Variants in BRD1 observed in about 807,000 individuals in gnomAD.
BRD1 encodes bromodomain containing 1.
A neutral mutation model predicts 107.7 loss-of-function variants in BRD1; 24 were observed. That is an observed-to-expected ratio of 0.22 (90% CI 0.16 to 0.31). The LOEUF (loss-of-function observed/expected upper bound fraction) is 0.31. Among genes scored for constraint, BRD1 ranks in the 10% least tolerant of loss-of-function variants. BRD1 has a pLI of 1.00. For synonymous variants in BRD1, 744 were observed against 686.1 expected, an observed-to-expected ratio of 1.08 and a Z score of -1.32; for missense variants, 1,279 against 1,638.6, an observed-to-expected ratio of 0.78 and a Z score of 3.79.
At position 49,804,291 on chromosome 22, in the gene BRD1, G is replaced by A. The variant is rs1208303491; in HGVS notation, c.1437C>T (p.Tyr479=). ...TCCTGGACAGCCGCTTGAGCAGCCA[G>A]TAGCTGTGGGCTCGCTCCACAAACT... ...KKQFVERAHS[Y]WLLKRLSRNG... is the part of the protein sequence containing the mutation. The change falls in exon 3 of 13, where the codon TAC becomes TAT. Residue 479 remains tyrosine, a synonymous_variant. Transcript: ENST00000404760. 1 of 1,610,902 alleles carries A rather than the reference G, an allele frequency of 6.2e-7. No individual in the cohort carries two copies. The highest frequency in any genetic ancestry group is 8.5e-7 in the Non-Finnish European group (1 of 1,178,614).
intron 8 of BRD1, among the ~76,000 whole-genome samples, chr22:49,786,321 T>A (rs765305270): frequency 5.9e-5 from 9 of 152,074 alleles, no homozygotes; most frequent in Non-Finnish European, 1.2e-4. Context: ...TGACAGCTGC[T>A]CCTCTTTAAA....
rs576251264 is a variant in BRD1, at chr22:49,826,250, G to A, written c.-15+1247C>T. 53 of 985,446 alleles carry A rather than the reference G, an allele frequency of 5.4e-5. No individual in the cohort carries two copies. In the South Asian group the frequency reaches 1.3e-3, roughly 24 times the overall value. The allele number at this position is 985,446 out of a possible 1,614,324, so 61.0% of individuals were successfully genotyped here. On this transcript the variant is annotated intron_variant, in intron 1 of 12. Transcript: ENST00000404760. ...GAAACCCACTCTCTCCCAGGGAGCC[G>A]TGAAGCTCTTCATCGCAACACTTTC...
Position 49,776,132 on chromosome 22 carries a change from G to A in BRD1, c.3149C>T (p.Ser1050Phe). Reference protein sequence around the residue: ...AEVGQSSMWISTDAAASVLEP... With the variant: ...AEVGQSSMWIFTDAAASVLEP... ...CAGCACCGAGGCGGCGGCATCAGTGGAGATCCACATGCTGCTCTGGCCGAC... is the reference window on the plus strand; with the variant it reads ...CAGCACCGAGGCGGCGGCATCAGTGAAGATCCACATGCTGCTCTGGCCGAC... Residue 1050 changes from serine (S) to phenylalanine (F), a missense_variant, in exon 11 of 13, where the codon TCC becomes TTC. Ser to Phe is a radical substitution (Grantham distance 155). This residue lies in a region of BRD1 where 263 missense variants were observed against 251.6 expected (regional missense o/e 1.05). Coordinates refer to ENST00000404760, the MANE Select transcript of BRD1 (RefSeq NM_001304808.3). 1.2e-6 allele frequency: 2 copies of A among 1,606,168 alleles called. No individual in the cohort carries two copies. Among genetic ancestry groups the A allele is most frequent in the South Asian group, 2.2e-5 (2 of 91,054 alleles).
In BRD1 at chr22:49,804,207, C is replaced by A; in HGVS notation, c.1521G>T (p.Gln507His). 6.3e-7 allele frequency: 1 copy of A among 1,588,796 alleles called. No homozygotes were observed. The highest frequency in any genetic ancestry group is 8.6e-7 in the Non-Finnish European group (1 of 1,166,946). The change falls in exon 3 of 13, where the codon CAG becomes CAT. Residue 507 changes from glutamine (Q) to histidine (H), a missense_variant. This residue lies in a region of BRD1 where 406 missense variants were observed against 519.4 expected (regional missense o/e 0.78). Coordinates refer to ENST00000404760, the MANE Select transcript of BRD1 (RefSeq NM_001304808.3). ...GTGGGGGCCACGAGCCACGTACCTG[C>A]TGTGAGCTTCGCTGAGACTGCAGGC... ...QSSLQSQRSS[Q>H]QRENDEEMKA...
At chr22:49,820,243 A>C (rs2060039713) in intron 2 of BRD1, among the ~76,000 whole-genome samples, 1 of 152,238 alleles carries the variant, frequency 6.6e-6, no homozygotes, top group East Asian at 1.9e-4. Flanking sequence ...TTCTGTCCAC[A>C]GGGAATAAGG....
At chr22:49,782,463 C>T (rs1329644550) in intron 8 of BRD1, among the ~76,000 whole-genome samples, 2 of 133,130 alleles carry the variant, frequency 1.5e-5, no homozygotes, top group African/African-American at 5.8e-5. Flanking sequence ...GTGACAATGC[C>T]GCTGGGGACA....
In BRD1 at chr22:49,774,778, G is replaced by A. The variant is rs142519470; in HGVS notation, c.3387-362C>T. 6.7e-3 allele frequency among the ~76,000 whole-genome samples: 1,017 copies of A among 152,384 alleles called. 6 individuals carry two copies. Among genetic ancestry groups the A allele is most frequent in the Middle Eastern group, 0.017 (5 of 294 alleles). The stretch of plus-strand genomic sequence containing the variant: ...GGGAGACCCCATCAAAGGGGCCCTC[G>A]GATGGACAAGGTGTGGGCCTCGCTC... On this transcript the variant is annotated intron_variant, in intron 12 of 12. Transcript: ENST00000404760.
At chr22:49,816,937 A>G (rs896661436) in intron 2 of BRD1, among the ~76,000 whole-genome samples, 28 of 152,228 alleles carry the variant, frequency 1.8e-4, no homozygotes, top group African/African-American at 6.8e-4. Flanking sequence ...CCTTGTCTAC[A>G]CAGGACTTTG....
chr22:49,813,717 A>C (rs1414138556), intron 2 of BRD1, among the ~76,000 whole-genome samples: 2 of 151,796 alleles, frequency 1.3e-5, no homozygotes, highest in Non-Finnish European at 2.9e-5. Flanking sequence ...CTGTAATGCC[A>C]GTTACTCGGG....
chr22:49,814,158 G>C (rs1016918464), intron 2 of BRD1, among the ~76,000 whole-genome samples: 1 of 152,188 alleles, frequency 6.6e-6, no homozygotes, highest in African/African-American at 2.4e-5. Context: ...TGAAAGAACA[G>C]GGGGCTCTCT....
intron 2 of BRD1, among the ~76,000 whole-genome samples, chr22:49,821,604 CTTCTT>C (rs761731482): frequency 7.6e-6 from 1 of 132,070 alleles, no homozygotes; most frequent in South Asian, 2.3e-4. Context: ...TCACTTAAAA[CTTCTT>C]TTTTTTTTTT....
rs1255748812 is a variant in BRD1 at position 49,777,764 on chromosome 22, G to C, written c.2907C>G (p.Gly969=). 1.2e-6 allele frequency: 2 copies of C among 1,604,892 alleles called. No homozygotes were observed. Among genetic ancestry groups the C allele is most frequent in the Non-Finnish European group, 1.7e-6 (2 of 1,177,606 alleles). The change falls in exon 9 of 13, where the codon GGC becomes GGG. Residue 969 remains glycine (G), a synonymous_variant. Transcript: ENST00000404760. ...GGARSEQEPG[G]GLGRKATPRR... ...GGGGTGTGGCCTTCCTCCCCAGGCCGCCGCCCGGCTCCTGCTCGCTCCTCG... is the reference window on the plus strand; with the variant it reads ...GGGGTGTGGCCTTCCTCCCCAGGCCCCCGCCCGGCTCCTGCTCGCTCCTCG...
At chr22:49,777,295 G>C in intron 9 of BRD1, 134 bp from the exon 10 acceptor site, 1 of 1,389,732 alleles carries the variant, frequency 7.2e-7, no homozygotes, top group Non-Finnish European at 9.8e-7. Context: ...AGACGGGCCT[G>C]TGGGTGCGCA....
Position 49,824,045 on chromosome 22 carries a change from A to C in BRD1, c.273T>G (p.Arg91=), listed in dbSNP as rs764590962. 1 of 1,613,694 alleles carries C rather than the reference A, an allele frequency of 6.2e-7. No homozygotes were observed. Among genetic ancestry groups the C allele is most frequent in the Non-Finnish European group, 8.5e-7 (1 of 1,179,994 alleles). Residue 91 remains arginine, a synonymous_variant, in exon 2 of 13, where the codon CGT becomes CGG. Transcript: ENST00000404760. The surrounding 1 kb of genome is among the most constrained non-coding windows in gnomAD (Gnocchi z 5.9). ...ERPPVCLRTK[R]HKNNRVKKKN... ...TCTTTTTGACTCTGTTGTTTTTGTG[A>C]CGCTTAGTTCTTAAGCAGACAGGAG...
At chr22:49,822,658 T>C (rs1315681598) in intron 2 of BRD1, among the ~76,000 whole-genome samples, 1 of 151,846 alleles carries the variant, frequency 6.6e-6, no homozygotes, top group Non-Finnish European at 1.5e-5. Context: ...TGCAGTGAGC[T>C]GAGATTGCGC....
intron 2 of BRD1, among the ~76,000 whole-genome samples, chr22:49,822,546 TAAAA>T (rs1020816302): frequency 3.3e-5 from 5 of 149,516 alleles, no homozygotes; most frequent in African/African-American, 1.2e-4. Flanking sequence ...CGTCTCTACT[TAAAA>T]AATACAAAAA....
chr22:49,827,663 CCCGGCAGCGGCGGCCGCGGACTCT>C lies in BRD1; in HGVS notation c.-205_-182del, dbSNP rs935601522. ...CCCTCTCGGCCGCGGCGGCTCCGGGCCCGGCAGCGGCGGCCGCGGACTCTCGGGCAGCGGCTCGCGCGGCGCGGG... is the reference window on the plus strand; with the variant it reads ...CCCTCTCGGCCGCGGCGGCTCCGGGCCGGGCAGCGGCTCGCGCGGCGCGGG... On this transcript the variant is annotated 5_prime_UTR_variant, in exon 1 of 13. Coordinates refer to ENST00000404760, the MANE Select transcript of BRD1 (RefSeq NM_001304808.3). Among the ~76,000 whole-genome samples the C allele has an allele frequency of 2.1e-5, 3 of 145,060 alleles. No individual in the cohort carries two copies. The highest frequency in any genetic ancestry group is 7.4e-5 in the African/African-American group (3 of 40,496).
In BRD1 at chr22:49,824,235, C is replaced by T; in HGVS notation, c.83G>A (p.Arg28Gln). The change falls in exon 2 of 13, where the codon CGA becomes CAA. Residue 28 changes from arginine to glutamine, a missense_variant. By Grantham distance (43) the Arg-to-Gln change is conservative. This residue lies in a region of BRD1 where 223 missense variants were observed against 263.5 expected (regional missense o/e 0.85). Coordinates refer to ENST00000404760, the MANE Select transcript of BRD1 (RefSeq NM_001304808.3). The surrounding 1 kb of genome is among the most constrained non-coding windows in gnomAD (Gnocchi z 5.9). ...SPCSVKHSPT[R>Q]ETLTYAQAQR... ...AGCTTGAGCGTAGGTCAGCGTTTCTCGCGTAGGGGAGTGTTTAACACTGCA... is the reference window on the plus strand; with the variant it reads ...AGCTTGAGCGTAGGTCAGCGTTTCTTGCGTAGGGGAGTGTTTAACACTGCA... 6.2e-7 allele frequency: 1 copy of T among 1,613,998 alleles called. No individual in the cohort carries two copies. The highest frequency in any genetic ancestry group is 8.5e-7 in the Non-Finnish European group (1 of 1,180,028).
At chr22:49,815,772 C>T (rs1490235160) in intron 2 of BRD1, among the ~76,000 whole-genome samples, 1 of 152,240 alleles carries the variant, frequency 6.6e-6, no homozygotes, top group Non-Finnish European at 1.5e-5. Context: ...GGCGCTCCTG[C>T]AGGCTGCGTC....
Sources: allele counts gnomAD v4.1 joint callset (sites outside exome capture counted in the v4.1 genomes callset), GRCh38; gene constraint gnomAD v4.1.1; regional missense constraint gnomAD v4.1.1; non-coding constraint Gnocchi (gnomAD v3.1); transcripts MANE v1.5; gene names NCBI Gene and HGNC (gene_info 2026-07-23, HGNC 2026-07-21).